The following DLGAP1 variants were observed in gnomAD, a reference collection of about 807,000 sequenced individuals.
DLGAP1 encodes the protein disks large-associated protein 1.
In DLGAP1, 11 loss-of-function variants were observed where a neutral mutation model predicts 90.8. That is an observed-to-expected ratio of 0.12 (90% confidence interval 0.08 to 0.20). The LOEUF is 0.20. Ranked by LOEUF, DLGAP1 falls within the 10% of genes least tolerant of loss-of-function variation. The pLI is 1.00. For missense variants in DLGAP1, 1,050 were observed against 1,333.8 expected (o/e 0.79, Z 3.31); for synonymous variants, 558 against 540.7 (o/e 1.03, Z -0.44).
chr18:4,343,108 C>T (rs925100871), intron 1 of DLGAP1, among the ~76,000 whole-genome samples: 7 of 151,832 alleles, frequency 4.6e-5, no homozygotes, highest in Admixed American at 3.3e-4. Context: ...GAGGTCGAGA[C>T]CATCCTGTCT....
At chr18:4,054,997 C>T (rs1358279107) in intron 2 of DLGAP1, among the ~76,000 whole-genome samples, 2 of 152,232 alleles carry the variant, frequency 1.3e-5, no homozygotes, top group Middle Eastern at 3.4e-3. Context: ...TATTATTTTG[C>T]GTGCTTTGGG....
chr18:4,148,561 A>G (rs537824619), intron 2 of DLGAP1, among the ~76,000 whole-genome samples: 38 of 152,156 alleles, frequency 2.5e-4, no homozygotes, highest in Non-Finnish European at 2.2e-4. Flanking sequence ...GTCCAGCCTC[A>G]AATGAACTGG....
rs71366693 is a variant in DLGAP1 at position 3,600,969 on chromosome 18, GATAGATAT to G, written c.1592-18729_1592-18722del. Reference sequence around the variant, plus strand: ...ATATATAGATATATATAGATATATAGATAGATATATAGATATAGATATATAGATATATA... The same window carrying G: ...ATATATAGATATATATAGATATATAGATAGATATAGATATATAGATATATA... On this transcript the variant is annotated intron_variant, in intron 7 of 12. Transcript: ENST00000315677. Among the ~76,000 whole-genome samples the G allele has an allele frequency of 1.1e-4, 10 of 87,504 alleles. 1 individual carries two copies. The highest frequency in any genetic ancestry group is 1.8e-4 in the African/African-American group (4 of 22,200). The allele number at this position is 87,504 out of a possible 152,430, so 57.4% of individuals were successfully genotyped here. A position where few individuals can be genotyped will look rare whatever the true frequency, so the allele number is the denominator to read the frequency against.
intron 7 of DLGAP1, among the ~76,000 whole-genome samples, chr18:3,707,662 GCGCTTAGAATACTA>G (rs2061477952): frequency 6.6e-6 from 1 of 151,516 alleles, no homozygotes; most frequent in Non-Finnish European, 1.5e-5. Context: ...TCTTTTCATT[GCGCTTAGAATACTA>G]CACTGTAATC....
chr18:3,844,142 T>C (rs955176623), intron 4 of DLGAP1, among the ~76,000 whole-genome samples: 1 of 152,176 alleles, frequency 6.6e-6, no homozygotes, highest in African/African-American at 2.4e-5. Flanking sequence ...GATGAGACAG[T>C]AGGAATAGGA....
chr18:4,431,282 C>T (rs973325371), intron 1 of DLGAP1: 1 of 152,148 alleles, frequency 6.6e-6, no homozygotes, highest in Non-Finnish European at 1.5e-5. Context: ...CACAAAGTCT[C>T]GCCATATGGG....
At position 4,375,501 on chromosome 18, in the gene DLGAP1, A is replaced by G. The variant is rs1036912417; in HGVS notation, c.-267+79505T>C. The stretch of plus-strand genomic sequence containing the variant: ...GCCACTTGTCTACTTGGTGATAAAT[A>G]GATTTAAGTTTTCGAAACTGAGACC... On this transcript the variant is annotated intron_variant, in intron 1 of 12. Transcript: ENST00000315677. Among the ~76,000 whole-genome samples the G allele has an allele frequency of 7.2e-5, 11 of 152,280 alleles. 1 individual carries two copies. The highest frequency in any genetic ancestry group is 5.8e-4 in the East Asian group (3 of 5,184).
At chr18:3,600,859 TATATAGATATATAGATATATAG>T (rs1163559115) in intron 7 of DLGAP1, among the ~76,000 whole-genome samples, 26 of 81,946 alleles carry the variant, frequency 3.2e-4, no homozygotes, top group African/African-American at 1.4e-3. Context: ...TATATAGATA[TATATAGATATATAGATATATAG>T]ATAGATATAT....
chr18:3,705,623 A>C (rs985018945), intron 7 of DLGAP1, among the ~76,000 whole-genome samples: 1 of 151,130 alleles, frequency 6.6e-6, no homozygotes, highest in Non-Finnish European at 1.5e-5. Context: ...TAAGGTGACC[A>C]TATATCCCAG....
At chr18:4,150,502 T>G (rs1283431476) in intron 2 of DLGAP1, among the ~76,000 whole-genome samples, 1 of 152,220 alleles carries the variant, frequency 6.6e-6, no homozygotes, top group Non-Finnish European at 1.5e-5. Flanking sequence ...GCGATTCTCC[T>G]GCCTTAGTCT....
chr18:4,428,750 C>T (rs2083212751), intron 1 of DLGAP1, among the ~76,000 whole-genome samples: 1 of 152,176 alleles, frequency 6.6e-6, no homozygotes, highest in Non-Finnish European at 1.5e-5. Context: ...GCCAATTCAA[C>T]CTCTTTTCTT....
intron 7 of DLGAP1, among the ~76,000 whole-genome samples, chr18:3,592,976 T>G (rs1054065978): frequency 1.3e-5 from 2 of 150,576 alleles, no homozygotes; most frequent in Non-Finnish European, 3.0e-5. Flanking sequence ...AAGATCCCAC[T>G]ATCCCCATTT....
intron 4 of DLGAP1, among the ~76,000 whole-genome samples, chr18:3,867,449 T>C (rs570316165): frequency 3.3e-4 from 50 of 152,222 alleles, no homozygotes; most frequent in Non-Finnish European, 6.5e-4. Flanking sequence ...AGCTCAGCTC[T>C]CTTGCTAAAG....
chr18:4,375,375 T>G (rs2081995162), intron 1 of DLGAP1, among the ~76,000 whole-genome samples: 1 of 152,168 alleles, frequency 6.6e-6, no homozygotes, highest in African/African-American at 2.4e-5. Context: ...TCAACAGGAA[T>G]GGAAGTTTTA....
chr18:3,732,451 A>T (rs2062470872), intron 6 of DLGAP1, among the ~76,000 whole-genome samples: 1 of 150,404 alleles, frequency 6.6e-6, no homozygotes, highest in South Asian at 2.1e-4. Context: ...TGTTTACTTA[A>T]TGATTTAGTT....
In DLGAP1 at chr18:3,879,929, T is replaced by C; in HGVS notation, c.140A>G (p.Tyr47Cys). 1 of 1,612,828 alleles carries C rather than the reference T, an allele frequency of 6.2e-7. No individual in the cohort carries two copies. Among genetic ancestry groups the C allele is most frequent in the Non-Finnish European group, 8.5e-7 (1 of 1,179,938 alleles). Residue 47 changes from tyrosine to cysteine, a missense_variant, in exon 4 of 13, where the codon TAC becomes TGC. Around this residue, in one of 2 missense-constraint regions of DLGAP1, gnomAD observed 485 missense variants for 454.1 expected, o/e 1.07. Transcript: ENST00000315677. The surrounding 1 kb of genome is among the most constrained non-coding windows in gnomAD (Gnocchi z 6.6). Reference protein sequence around the residue: ...VEHHPADHPYYTQRNSFQAEC... With the variant: ...VEHHPADHPYCTQRNSFQAEC... ...AGCCTGGAAGGAGTTCCGCTGGGTG[T>C]AGTATGGGTGGTCTGCGGGGTGGTG...
chr18:3,974,341 C>T (rs895501028), intron 3 of DLGAP1, among the ~76,000 whole-genome samples: 1 of 152,164 alleles, frequency 6.6e-6, no homozygotes, highest in South Asian at 2.1e-4. Flanking sequence ...TATGGGACCA[C>T]CGTCCTACAG....
chr18:3,804,936 G>A (rs1350062573), intron 5 of DLGAP1, among the ~76,000 whole-genome samples: 2 of 152,228 alleles, frequency 1.3e-5, no homozygotes, highest in Non-Finnish European at 2.9e-5. Flanking sequence ...TTCTTAGGAG[G>A]AAGAAATAAT....
At chr18:3,837,468 A>C (rs2068454135) in intron 4 of DLGAP1, among the ~76,000 whole-genome samples, 1 of 152,214 alleles carries the variant, frequency 6.6e-6, no homozygotes, top group Admixed American at 6.5e-5. Flanking sequence ...TTTCATAAAC[A>C]AAACTTGAAA....
Sources: gnomAD v4.1 joint callset for allele counts (sites outside exome capture counted in the v4.1 genomes callset) on GRCh38, gnomAD v4.1.1 for gene constraint, gnomAD v4.1.1 regional missense constraint, Gnocchi (gnomAD v3.1) non-coding constraint, MANE v1.5 for transcripts, NCBI Gene and HGNC (gene_info 2026-07-23, HGNC 2026-07-21) for gene names.